The following MEGF6 variants were observed in gnomAD, a reference collection of about 807,000 sequenced individuals.
MEGF6 encodes multiple EGF like domains 6.
Under a neutral mutation model 207.1 loss-of-function variants are expected in MEGF6, and 184 were observed. The ratio of observed to expected loss-of-function variants is 0.89; its 90% CI spans 0.79 to 1.00. The LOEUF is 1.00. Ranked by LOEUF, MEGF6 falls within the 50% of genes least tolerant of loss-of-function variation. The probability of loss-of-function intolerance (pLI) is 0.00; values close to 1 mark genes in which losing one functional copy is unlikely to be tolerated. For synonymous variants in MEGF6, 1,038 were observed against 910.0 expected (o/e 1.14, Z -2.53); for missense variants, 2,282 against 2,202.9 (o/e 1.04, Z -0.72).
intron 1 of MEGF6, among the ~76,000 whole-genome samples, chr1:3,602,968 C>G (rs2101884325): frequency 6.6e-6 from 1 of 152,350 alleles, no homozygotes; most frequent in South Asian, 2.1e-4. Flanking sequence ...CGGGCCCATT[C>G]TGTCCTCTCC....
chr1:3,490,673 C>T lies in MEGF6; in HGVS notation c.4565-84G>A, dbSNP rs1640315694. The T allele has an allele frequency of 1.1e-5, 15 of 1,403,204 alleles. No individual in the cohort carries two copies. The South Asian group carries it at 1.9e-4, about 18-fold the overall frequency. The allele number at this position is 1,403,204 out of a possible 1,614,324, so 86.9% of individuals were successfully genotyped here. A position where few individuals can be genotyped will look rare whatever the true frequency, so the allele number is the denominator to read the frequency against. On this transcript the variant is annotated intron_variant, in intron 36 of 36. Coordinates refer to ENST00000356575, the MANE Select transcript of MEGF6 (RefSeq NM_001409.4). The stretch of plus-strand genomic sequence containing the variant: ...CTGGGTTCTGGGTTGGCACCTCTCC[C>T]TCCCACCCCTCCCTTCAGCAGCTCA...
chr1:3,582,053 G>A (rs1450788218), intron 3 of MEGF6, among the ~76,000 whole-genome samples: 1 of 152,190 alleles, frequency 6.6e-6, no homozygotes, highest in Non-Finnish European at 1.5e-5. Flanking sequence ...CATCTCTCAA[G>A]GCAGGCGGAG....
chr1:3,497,394 G>T, intron 26 of MEGF6, 33 bp from the exon 27 acceptor site: 1 of 1,496,902 alleles, frequency 6.7e-7, no homozygotes, highest in Middle Eastern at 1.8e-4. Context: ...GAGGCTTCTA[G>T]GAGGGGCCCG....
chr1:3,579,603 C>CACTG (rs1643742025), intron 4 of MEGF6, among the ~76,000 whole-genome samples: 1 of 152,232 alleles, frequency 6.6e-6, no homozygotes, highest in African/African-American at 2.4e-5. Context: ...CAGCGCCACC[C>CACTG]ACTGACGGGG....
intron 5 of MEGF6, among the ~76,000 whole-genome samples, chr1:3,517,792 G>A (rs955658315): frequency 6.6e-6 from 1 of 152,210 alleles, no homozygotes; most frequent in Non-Finnish European, 1.5e-5. Flanking sequence ...TCCCAGTGGG[G>A]GAAGACCCTC....
chr1:3,593,816 G>T (rs1644017819), intron 3 of MEGF6, among the ~76,000 whole-genome samples: 1 of 151,568 alleles, frequency 6.6e-6, no homozygotes, highest in Non-Finnish European at 1.5e-5. Flanking sequence ...CCTCCGAGGG[G>T]CGGCTGGCCA....
the MEGF6 span, among the ~76,000 whole-genome samples, chr1:3,620,967 C>T: frequency 6.6e-6 from 1 of 152,220 alleles, no homozygotes; most frequent in Non-Finnish European, 1.5e-5. Context: ...GGAGAGACAG[C>T]TTACGCCATT....
At position 3,556,924 on chromosome 1, in the gene MEGF6, A is replaced by G. The variant is rs144846923; in HGVS notation, c.481+22901T>C. Among the ~76,000 whole-genome samples the G allele has an allele frequency of 2.4e-3, 360 of 152,218 alleles. No homozygotes were observed. The highest frequency in any genetic ancestry group is 0.01 in the Middle Eastern group (3 of 294). ...CGAAGGCAGCCCCTCAGCCGACCTG[A>G]CCTAGGAAGCCGATCCCGGCTTATC... On this transcript the variant is annotated intron_variant, in intron 4 of 36. Coordinates refer to ENST00000356575, the MANE Select transcript of MEGF6 (RefSeq NM_001409.4). This position sits in a 1 kb window ranked among gnomAD's most constrained non-coding sequence, Gnocchi z 4.4.
In MEGF6 at chr1:3,573,062, C is replaced by G. The variant is rs7533029; in HGVS notation, c.481+6763G>C. 0.1 allele frequency among the ~76,000 whole-genome samples: 15,026 copies of G among 149,346 alleles called. 1,573 individuals carry two copies. The highest frequency in any genetic ancestry group is 0.27 in the African/African-American group (11,001 of 40,272). On this transcript the variant is annotated intron_variant, in intron 4 of 36. Coordinates refer to ENST00000356575, the MANE Select transcript of MEGF6 (RefSeq NM_001409.4). This position sits in a 1 kb window ranked among gnomAD's most constrained non-coding sequence, Gnocchi z 5.1. ...GTTCTCTTGGGTGTGCTGGGTCCTC[C>G]CTGGTGGGCTGGGTTCCCTCAGGTG...
rs1165269767 is a variant in MEGF6, at chr1:3,494,492, G to A, written c.4008C>T (p.Pro1336=). ...GGCAGGCGGCTCCGTAGCGCCCAGG[G>A]GGACAGGCTGGGGACAGGGCAGGGT... is the stretch of plus-strand genomic sequence containing the variant. ...WTGRHCELAC[P]PGRYGAACHL... The change falls in exon 32 of 37, where the codon CCC becomes CCT. Residue 1336 remains proline (P), a synonymous_variant. Coordinates refer to ENST00000356575, the MANE Select transcript of MEGF6 (RefSeq NM_001409.4). 2 of 1,590,052 alleles carry A rather than the reference G, an allele frequency of 1.3e-6. No homozygotes were observed. The highest frequency in any genetic ancestry group is 4.6e-5 in the East Asian group (2 of 43,784).
chr1:3,569,507 C>T (rs548433291), intron 4 of MEGF6, among the ~76,000 whole-genome samples: 7 of 152,194 alleles, frequency 4.6e-5, no homozygotes, highest in Non-Finnish European at 7.3e-5. Context: ...ACAGGATGGC[C>T]GAGGCAAGGA....
chr1:3,557,857 C>T (rs1477425416), intron 4 of MEGF6, among the ~76,000 whole-genome samples: 1 of 152,224 alleles, frequency 6.6e-6, no homozygotes, highest in Non-Finnish European at 1.5e-5. Context: ...CTATGAGGCG[C>T]CGTCCGGGTG....
In MEGF6 at chr1:3,611,444, G is replaced by T; in HGVS notation, c.-176C>A. On this transcript the variant is annotated 5_prime_UTR_variant, in exon 1 of 37. Transcript: ENST00000356575. ...CGGCTTCCCGCCCGCGCCCAAAGTG[G>T]CACCGCGGAGACCTGATCGCCGGGT... 1 of 867,100 alleles carries T rather than the reference G, an allele frequency of 1.2e-6. No individual in the cohort carries two copies. Among genetic ancestry groups the T allele is most frequent in the Non-Finnish European group, 1.6e-6 (1 of 629,056 alleles). The allele number at this position is 867,100 out of a possible 1,614,324, so 53.7% of individuals were successfully genotyped here. A position where few individuals can be genotyped will look rare whatever the true frequency, so the allele number is the denominator to read the frequency against.
intron 5 of MEGF6, among the ~76,000 whole-genome samples, chr1:3,521,628 C>T (rs893184931): frequency 1.3e-5 from 2 of 152,158 alleles, no homozygotes; most frequent in East Asian, 3.9e-4. Context: ...CAGGGGACTC[C>T]GTCCCCGGTC....
chr1:3,490,874 C>A, intron 36 of MEGF6, 38 bp downstream of exon 36: 2 of 1,561,456 alleles, frequency 1.3e-6, no homozygotes, highest in East Asian at 4.8e-5. Flanking sequence ...ATAACCCACC[C>A]TCCTGGCAAG....
At chr1:3,554,520 C>T (rs773263245) in intron 4 of MEGF6, among the ~76,000 whole-genome samples, 25 of 152,196 alleles carry the variant, frequency 1.6e-4, no homozygotes, top group Non-Finnish European at 3.7e-4. Flanking sequence ...ACATCCCTTT[C>T]CTGGGGCTGA....
intron 4 of MEGF6, among the ~76,000 whole-genome samples, chr1:3,532,978 A>T (rs1481386143): frequency 6.6e-6 from 1 of 152,230 alleles, no homozygotes; most frequent in African/African-American, 2.4e-5. Flanking sequence ...TCAATTGAGC[A>T]GAACTCCAGC....
chr1:3,601,923 C>G (rs56770023), intron 2 of MEGF6, among the ~76,000 whole-genome samples: 3 of 151,994 alleles, frequency 2.0e-5, no homozygotes, highest in Non-Finnish European at 2.9e-5. Context: ...CCTTCCCTCC[C>G]ACAGACACAC....
At position 3,589,425 on chromosome 1, in the gene MEGF6, C is replaced by G. The variant is rs188059970; in HGVS notation, c.376+5913G>C. On this transcript the variant is annotated intron_variant, in intron 3 of 36. Transcript: ENST00000356575. ...GCCACAAGATCCTGCCTCAGGGCCC[C>G]GCACCTTCTGTTCCCTACTCAGTGA... 5.3e-3 allele frequency among the ~76,000 whole-genome samples: 806 copies of G among 152,228 alleles called. 3 individuals carry two copies. Among genetic ancestry groups the G allele is most frequent in the Middle Eastern group, 0.02 (6 of 294 alleles).
Sources: gnomAD v4.1 joint callset for allele counts (sites outside exome capture counted in the v4.1 genomes callset) on GRCh38, gnomAD v4.1.1 for gene constraint, Gnocchi (gnomAD v3.1) non-coding constraint, MANE v1.5 for transcripts, NCBI Gene and HGNC (gene_info 2026-07-23, HGNC 2026-07-21) for gene names.